VKORC1L1: variants seen among roughly 807,000 people sequenced by gnomAD.
VKORC1L1 encodes the protein vitamin K epoxide reductase complex subunit 1L1.
In VKORC1L1, 2 loss-of-function variants were observed where a neutral mutation model predicts 18.9. The ratio of observed to expected loss-of-function variants is 0.11; its 90% CI spans 0.04 to 0.33. VKORC1L1 has a LOEUF of 0.33. Among genes scored for constraint, VKORC1L1 ranks in the 10% least tolerant of loss-of-function variants. VKORC1L1 has a pLI of 1.00. For synonymous variants in VKORC1L1, 96 were observed against 100.0 expected (o/e 0.96, Z 0.24); for missense variants, 123 against 224.1 (o/e 0.55, Z 2.88).
Position 65,908,282 on chromosome 7 carries a change from C to T in VKORC1L1, c.194+34717C>T, listed in dbSNP as rs185287167. ...TAGAAAAATTAGCCGAGCATGGTGG[C>T]GCATGCCTGTAATCCCAGCTACTTG... On this transcript the variant is annotated intron_variant, in intron 1 of 2. Transcript: ENST00000360768. Among the ~76,000 whole-genome samples the T allele has an allele frequency of 1.8e-4, 27 of 152,204 alleles. No individual in the cohort carries two copies. The East Asian group carries it at 4.6e-3, about 26-fold the overall frequency.
intron 1 of VKORC1L1, among the ~76,000 whole-genome samples, chr7:65,890,351 T>C (rs1203828923): frequency 6.6e-6 from 1 of 152,100 alleles, no homozygotes; most frequent in Non-Finnish European, 1.5e-5. Flanking sequence ...CAGGATGGTC[T>C]CTATCTCCTG....
At chr7:65,943,656 G>C (rs1790072245) in intron 1 of VKORC1L1, among the ~76,000 whole-genome samples, 1 of 152,086 alleles carries the variant, frequency 6.6e-6, no homozygotes, top group Admixed American at 6.6e-5. Context: ...ATTAGGTGGG[G>C]TAGTGGCAGG....
intron 1 of VKORC1L1, among the ~76,000 whole-genome samples, chr7:65,881,816 A>G (rs947787954): frequency 7.0e-4 from 107 of 152,344 alleles, no homozygotes; most frequent in African/African-American, 2.5e-3. Flanking sequence ...ACAGTGGCTC[A>G]TGCCTGTAAT....
chr7:65,898,080 T>TG, intron 1 of VKORC1L1, among the ~76,000 whole-genome samples: 1 of 93,702 alleles, frequency 1.1e-5, no homozygotes, highest in Non-Finnish European at 2.1e-5. Flanking sequence ...GTAGCAGGTT[T>TG]TTTTTTTTTT....
intron 1 of VKORC1L1, among the ~76,000 whole-genome samples, chr7:65,921,532 C>T (rs921504182): frequency 1.3e-5 from 2 of 152,028 alleles, no homozygotes; most frequent in African/African-American, 2.4e-5. Flanking sequence ...ATTACAGGTG[C>T]GTGCCACCAT....
chr7:65,935,029 G>A (rs1789917991), intron 1 of VKORC1L1, among the ~76,000 whole-genome samples: 1 of 149,996 alleles, frequency 6.7e-6, no homozygotes, highest in African/African-American at 2.5e-5. Context: ...ACTCCAGCCT[G>A]GGTGACAGTG....
intron 1 of VKORC1L1, among the ~76,000 whole-genome samples, chr7:65,934,617 G>A (rs1789911227): frequency 6.6e-6 from 1 of 152,090 alleles, no homozygotes; most frequent in African/African-American, 2.4e-5. Flanking sequence ...ACATGTAAGT[G>A]AAAACATGCA....
At chr7:65,873,947 G>A (rs1230507058) in intron 1 of VKORC1L1, among the ~76,000 whole-genome samples, 1 of 152,146 alleles carries the variant, frequency 6.6e-6, no homozygotes, top group Admixed American at 6.5e-5. Flanking sequence ...CGGGAGGCGG[G>A]CCGGGGGTGT....
intron 1 of VKORC1L1, among the ~76,000 whole-genome samples, chr7:65,930,354 C>G (rs1360569800): frequency 1.3e-5 from 2 of 152,178 alleles, no homozygotes; most frequent in African/African-American, 2.4e-5. Context: ...TGTGCCCTGA[C>G]TGGAAGTTGT....
At chr7:65,938,225 A>G (rs560563442) in intron 1 of VKORC1L1, among the ~76,000 whole-genome samples, 6 of 152,332 alleles carry the variant, frequency 3.9e-5, no homozygotes, top group African/African-American at 1.4e-4. Context: ...AAAAAAAATG[A>G]TATCCTTAAA....
At chr7:65,946,340 G>C (rs1467721618) in intron 1 of VKORC1L1, among the ~76,000 whole-genome samples, 1 of 151,984 alleles carries the variant, frequency 6.6e-6, no homozygotes, top group Non-Finnish European at 1.5e-5. Context: ...TCCTGGAAAA[G>C]GTCCTTCCCG....
chr7:65,901,167 T>C (rs1389901719), intron 1 of VKORC1L1, among the ~76,000 whole-genome samples: 1 of 152,178 alleles, frequency 6.6e-6, no homozygotes, highest in Non-Finnish European at 1.5e-5. Flanking sequence ...TTCGGTGTTA[T>C]AAAGAGGTAG....
chr7:65,901,248 G>A (rs1789310291), intron 1 of VKORC1L1, among the ~76,000 whole-genome samples: 1 of 152,204 alleles, frequency 6.6e-6, no homozygotes, highest in African/African-American at 2.4e-5. Flanking sequence ...TATAATCCCA[G>A]TGTTTTGGGA....
At chr7:65,902,338 C>G (rs1256496233) in intron 1 of VKORC1L1, among the ~76,000 whole-genome samples, 1 of 152,112 alleles carries the variant, frequency 6.6e-6, no homozygotes, top group East Asian at 1.9e-4. Context: ...AAGACCCAAA[C>G]AGAACATCTT....
At position 65,954,407 on chromosome 7, in the gene VKORC1L1, T is replaced by A. The variant is rs1353896531; in HGVS notation, c.*107T>A. 4 of 1,410,580 alleles carry A rather than the reference T, an allele frequency of 2.8e-6. No individual in the cohort carries two copies. The Admixed American group carries it at 1.2e-4, about 41-fold the overall frequency. 87.4% of individuals were successfully genotyped at this position (1,410,580 alleles called of 1,614,324 possible). A position where few individuals can be genotyped will look rare whatever the true frequency, so the allele number is the denominator to read the frequency against. On this transcript the variant is annotated 3_prime_UTR_variant, in exon 3 of 3. Transcript: ENST00000360768. ...TTATTATTATTCACAACAGACACTTTCCCTAAGAATCTCAAACTGATTTTT... is the reference window on the plus strand; with the variant it reads ...TTATTATTATTCACAACAGACACTTACCCTAAGAATCTCAAACTGATTTTT...
At chr7:65,951,501 G>C (rs1267818210) in intron 2 of VKORC1L1, among the ~76,000 whole-genome samples, 2 of 151,942 alleles carry the variant, frequency 1.3e-5, no homozygotes, top group Non-Finnish European at 2.9e-5. Context: ...TTGAACCTGG[G>C]AGACAGAGGT....
chr7:65,931,376 T>G (rs2115664965), intron 1 of VKORC1L1, among the ~76,000 whole-genome samples: 1 of 152,310 alleles, frequency 6.6e-6, no homozygotes, highest in South Asian at 2.1e-4. Context: ...AGTTTTTGTT[T>G]TCTTTCAAGA....
chr7:65,954,699 T>C lies in VKORC1L1; in HGVS notation c.*399T>C, dbSNP rs1790266813. The C allele has an allele frequency of 1.4e-5, 3 of 218,758 alleles. No homozygotes were observed. The highest frequency in any genetic ancestry group is 1.0e-4 in the Admixed American group (2 of 19,356). The allele number at this position is 218,758 out of a possible 1,614,324, so 13.6% of individuals were successfully genotyped here. On this transcript the variant is annotated 3_prime_UTR_variant, in exon 3 of 3. Coordinates refer to ENST00000360768, the MANE Select transcript of VKORC1L1 (RefSeq NM_173517.6). ...CATGAAAATATTCTAGAATAGATAC[T>C]GTATTAAATATTGCCATGTTTACAA...
intron 1 of VKORC1L1, among the ~76,000 whole-genome samples, chr7:65,899,666 T>A (rs1217649358): frequency 6.6e-6 from 1 of 152,076 alleles, no homozygotes; most frequent in African/African-American, 2.4e-5. Flanking sequence ...TTCTGGCCTG[T>A]GAAAACAGCT....
Sources: gnomAD v4.1 joint callset for allele counts (sites outside exome capture counted in the v4.1 genomes callset) on GRCh38, gnomAD v4.1.1 for gene constraint, MANE v1.5 for transcripts, NCBI Gene and HGNC (gene_info 2026-07-23, HGNC 2026-07-21) for gene names.